Variants in FRMD4B observed in about 807,000 individuals in gnomAD.
FRMD4B encodes the protein FERM domain-containing protein 4B.
A neutral mutation model predicts 141.5 loss-of-function variants in FRMD4B; 74 were observed. The observed-to-expected ratio is 0.52, with a 90% confidence interval of 0.43 to 0.63. FRMD4B has a LOEUF of 0.63. FRMD4B is among the 30% of genes least tolerant of loss of function. FRMD4B has a pLI of 0.00. For missense variants in FRMD4B, 1,366 were observed against 1,253.4 expected (o/e 1.09, Z -1.36); for synonymous variants, 506 against 467.9 (o/e 1.08, Z -1.05).
intron 5 of FRMD4B, among the ~76,000 whole-genome samples, chr3:69,254,634 C>T (rs1259816082): frequency 6.6e-6 from 1 of 152,046 alleles, no homozygotes; most frequent in Non-Finnish European, 1.5e-5. Context: ...TGGAGGATTA[C>T]ACAACCCCAC....
intron 1 of FRMD4B, among the ~76,000 whole-genome samples, chr3:69,513,193 A>T (rs1706717046): frequency 6.6e-6 from 1 of 152,174 alleles, no homozygotes; most frequent in South Asian, 2.1e-4. Flanking sequence ...AGAACACTCA[A>T]AAAACTAGAA....
rs1401870224 is a variant in FRMD4B at position 69,196,364 on chromosome 3, C to A, written c.1125G>T (p.Glu375Asp). 3.1e-6 allele frequency: 5 copies of A among 1,611,072 alleles called. No individual in the cohort carries two copies. In the African/African-American group the frequency reaches 6.7e-5, roughly 22 times the overall value. ...CTGTCTCTGTCAAATCCATTGCAAT[C>A]TCATCTAAACTCCTGGCTGAAGGAA... ...AKIPSARSLD[E>D]IAMDLTETGT... Residue 375 changes from glutamate (E) to aspartate (D), a missense_variant, in exon 14 of 23, where the codon GAG (glutamate) becomes GAT (aspartate). Physicochemically the swap from Glu to Asp is conservative, Grantham distance 45. Coordinates refer to ENST00000398540, the MANE Select transcript of FRMD4B (RefSeq NM_015123.3).
intron 19 of FRMD4B, among the ~76,000 whole-genome samples, chr3:69,183,779 G>A (rs1179410503): frequency 6.6e-6 from 1 of 151,380 alleles, no homozygotes; most frequent in Non-Finnish European, 1.5e-5. Context: ...ACCGCGCCCA[G>A]CCTGAAGTTA....
At chr3:69,528,765 G>A (rs952666685) in intron 1 of FRMD4B, among the ~76,000 whole-genome samples, 1 of 150,734 alleles carries the variant, frequency 6.6e-6, no homozygotes, top group Admixed American at 6.6e-5. Flanking sequence ...ACAATAGTAG[G>A]ACAGTGCATA....
chr3:69,255,504 C>T (rs2093486948), intron 5 of FRMD4B, among the ~76,000 whole-genome samples: 1 of 152,060 alleles, frequency 6.6e-6, no homozygotes, highest in Non-Finnish European at 1.5e-5. Context: ...GTGATTGTGC[C>T]ACTGCACTCC....
intron 1 of FRMD4B, 78 bp from the exon 2 acceptor site, chr3:69,313,595 T>C (rs1305493661): frequency 1.2e-6 from 1 of 865,766 alleles, no homozygotes; most frequent in African/African-American, 1.7e-5. Context: ...TATCATTTAT[T>C]TTATATGAGA....
chr3:69,344,485 G>C (rs1041057662), intron 1 of FRMD4B, among the ~76,000 whole-genome samples: 6 of 152,198 alleles, frequency 3.9e-5, no homozygotes, highest in Admixed American at 1.3e-4. Flanking sequence ...GCATTTCTAA[G>C]CTGAAAAATA....
upstream of FRMD4B, among the ~76,000 whole-genome samples, chr3:69,387,535 T>C (rs1704288863): frequency 6.6e-6 from 1 of 152,176 alleles, no homozygotes; most frequent in South Asian, 2.1e-4. Context: ...TCTTGGCTGT[T>C]TCACATCTGG....
At chr3:69,201,233 T>G (rs1198980293) in intron 11 of FRMD4B, among the ~76,000 whole-genome samples, 1 of 151,958 alleles carries the variant, frequency 6.6e-6, no homozygotes. Flanking sequence ...TAAATGTGGA[T>G]TGGAATGATA....
In FRMD4B at chr3:69,195,344, T is replaced by C. The variant is rs2092890955; in HGVS notation, c.1255A>G (p.Ser419Gly). The change falls in exon 15 of 23, where the codon AGT (serine) becomes GGT (glycine). Residue 419 changes from serine (S) to glycine (G), a missense_variant. By Grantham distance (56) the Ser-to-Gly change is moderately conservative. Coordinates refer to ENST00000398540, the MANE Select transcript of FRMD4B (RefSeq NM_015123.3). ...ATTTTTTCTCTCTTTTGCTCTTCAC[T>C]AACTTCTGAGTCTTGAGAACCTAGG... ...ISSGSQDSEV[S>G]EEQKREKILE... 1 of 1,612,602 alleles carries C rather than the reference T, an allele frequency of 6.2e-7. No homozygotes were observed. The highest frequency in any genetic ancestry group is 1.1e-5 in the South Asian group (1 of 90,812).
intron 1 of FRMD4B, among the ~76,000 whole-genome samples, chr3:69,349,456 AGAATT>A (rs1244317264): frequency 6.6e-6 from 1 of 152,236 alleles, no homozygotes; most frequent in Admixed American, 6.5e-5. Flanking sequence ...CTTTCTTCAC[AGAATT>A]GGAAAAAAAT....
rs1006006865 is a variant in FRMD4B at position 69,170,519 on chromosome 3, A to T, written c.*1342T>A. The T allele has an allele frequency of 6.6e-6, 1 of 152,180 alleles. No individual in the cohort carries two copies. The highest frequency in any genetic ancestry group is 1.5e-5 in the Non-Finnish European group (1 of 68,030). 9.4% of individuals were successfully genotyped at this position (152,180 alleles called of 1,614,324 possible). ...TTATGTATATATTACATGCTTTGGA[A>T]TATAGATAGAAAATGTTCCAAAAAA... On this transcript the variant is annotated 3_prime_UTR_variant, in exon 23 of 23. Transcript: ENST00000398540.
intron 1 of FRMD4B, among the ~76,000 whole-genome samples, chr3:69,520,743 C>A (rs1286923552): frequency 6.6e-6 from 1 of 152,038 alleles, no homozygotes; most frequent in Non-Finnish European, 1.5e-5. Flanking sequence ...GGTCTGGTGG[C>A]CACTTCCCAA....
At chr3:69,431,672 G>A (rs1458617819) in intron 2 of FRMD4B, among the ~76,000 whole-genome samples, 2 of 152,172 alleles carry the variant, frequency 1.3e-5, no homozygotes, top group Non-Finnish European at 2.9e-5. Context: ...GGCAAAGGGA[G>A]ATTAATCATT....
intron 20 of FRMD4B, 136 bp downstream of exon 20, chr3:69,182,462 G>T: frequency 1.4e-6 from 1 of 739,202 alleles, no homozygotes; most frequent in Non-Finnish European, 2.1e-6. Flanking sequence ...CCATAAGTTA[G>T]CAGAAAATGT....
chr3:69,510,366 C>T (rs1706669243), intron 1 of FRMD4B, among the ~76,000 whole-genome samples: 2 of 152,068 alleles, frequency 1.3e-5, no homozygotes, highest in African/African-American at 4.8e-5. Context: ...AGCAATTTAT[C>T]TTATGGTGAT....
At chr3:69,323,916 T>G (rs1702099080) in intron 1 of FRMD4B, among the ~76,000 whole-genome samples, 1 of 152,052 alleles carries the variant, frequency 6.6e-6, no homozygotes, top group African/African-American at 2.4e-5. Context: ...TTTAGGCACT[T>G]AATGTATCAC....
At chr3:69,302,512 G>A in intron 3 of FRMD4B, 77 bp from the exon 4 acceptor site, 1 of 875,284 alleles carries the variant, frequency 1.1e-6, no homozygotes, top group South Asian at 1.4e-5. Context: ...TGGCAAAGCT[G>A]TGGCGAAATA....
chr3:69,540,650 TATATATATATACAC>T lies in FRMD4B; in HGVS notation c.-129+1542_-129+1555del, dbSNP rs1220630192. Among the ~76,000 whole-genome samples, 276 of 81,302 alleles carry T rather than the reference TATATATATATACAC, an allele frequency of 3.4e-3. 1 individual carries two copies. Among genetic ancestry groups the T allele is most frequent in the East Asian group, 6.4e-3 (19 of 2,990 alleles). 53.3% of individuals were successfully genotyped at this position (81,302 alleles called of 152,430 possible). On this transcript the variant is annotated intron_variant, in intron 1 of 5. Coordinates refer to the FRMD4B transcript ENST00000459638. ...AAAAAAAAAAAAATATATATATATA[TATATATATATACAC>T]ACACACACACACACACACACACACA...
Sources: allele counts gnomAD v4.1 joint callset (sites outside exome capture counted in the v4.1 genomes callset), GRCh38; gene constraint gnomAD v4.1.1; transcripts MANE v1.5; gene names NCBI Gene and HGNC (gene_info 2026-07-23, HGNC 2026-07-21).